RGS20: variants seen among roughly 807,000 people sequenced by gnomAD.
RGS20 encodes regulator of G protein signaling 20.
In RGS20, 30 loss-of-function variants were observed where a neutral mutation model predicts 33.6. The observed-to-expected ratio is 0.89, with a 90% CI of 0.67 to 1.21. The LOEUF is 1.21. Among genes scored for constraint, RGS20 ranks in the 50% most tolerant of loss-of-function variants. RGS20 has a pLI of 0.00. For synonymous variants in RGS20, 208 were observed against 197.9 expected, an observed-to-expected ratio of 1.05 and a Z score of -0.43; for missense variants, 472 against 502.4, an observed-to-expected ratio of 0.94 and a Z score of 0.58.
chr8:53,881,026 C>T (rs781659513), intron 2 of RGS20: 2 of 1,589,270 alleles, frequency 1.3e-6, no homozygotes, highest in Non-Finnish European at 8.5e-7. Context: ...ATGCGCACGG[C>T]GGACGGAGGC....
intron 1 of RGS20, among the ~76,000 whole-genome samples, chr8:53,859,472 A>G (rs1811759784): frequency 6.6e-6 from 1 of 152,210 alleles, no homozygotes; most frequent in African/African-American, 2.4e-5. Flanking sequence ...TATCATTACC[A>G]TTGTTCAAAA....
Position 53,939,706 on chromosome 8 carries a change from G to A in RGS20, c.641G>A (p.Cys214Tyr). Residue 214 changes from cysteine (C) to tyrosine (Y), a missense_variant, in exon 3 of 6, where the codon TGC becomes TAC. Cys to Tyr is a radical substitution (Grantham distance 194). Transcript: ENST00000297313. Reference sequence around the variant, plus strand: ...AACGCATGCTGCTTCTGCTGGTGCTGCTGTTGTAGCTGCTCGTGGTAAGGT... The same window carrying A: ...AACGCATGCTGCTTCTGCTGGTGCTACTGTTGTAGCTGCTCGTGGTAAGGT... The A allele has an allele frequency of 6.4e-7, 1 of 1,559,398 alleles. No individual in the cohort carries two copies. The highest frequency in any genetic ancestry group is 8.7e-7 in the Non-Finnish European group (1 of 1,151,122).
chr8:53,918,661 T>TA (rs571541270), intron 2 of RGS20, among the ~76,000 whole-genome samples: 180 of 152,314 alleles, frequency 1.2e-3, no homozygotes, highest in Admixed American at 3.3e-3. Context: ...GTGCTAGGAT[T>TA]ACAGGCATGA....
intron 2 of RGS20, among the ~76,000 whole-genome samples, chr8:53,909,240 TATATATATA>T (rs1813277851): frequency 7.5e-6 from 1 of 133,164 alleles, no homozygotes; most frequent in South Asian, 2.3e-4. Flanking sequence ...TATATATATA[TATATATATA>T]TATATACTTT....
rs1814335216 is a variant in RGS20 at position 53,942,676 on chromosome 8, T to C, written c.659+2952T>C. On this transcript the variant is annotated intron_variant, in intron 3 of 5. Transcript: ENST00000297313. Reference sequence around the variant, plus strand: ...CTACCATACAGCACTTAAATTCATATACTAGAAAAACAAAACTAAACAAAT... The same window carrying C: ...CTACCATACAGCACTTAAATTCATACACTAGAAAAACAAAACTAAACAAAT... Among the ~76,000 whole-genome samples the C allele has an allele frequency of 2.6e-5, 4 of 152,058 alleles. 1 individual carries two copies. Among genetic ancestry groups the C allele is most frequent in the African/African-American group, 9.6e-5 (4 of 41,502 alleles).
intron 2 of RGS20, among the ~76,000 whole-genome samples, chr8:53,918,773 C>T (rs910271519): frequency 4.6e-5 from 7 of 152,110 alleles, no homozygotes; most frequent in African/African-American, 1.7e-4. Context: ...AATATTGCCT[C>T]GTATGGACAT....
chr8:53,854,001 A>G (rs1405886233), intron 1 of RGS20, among the ~76,000 whole-genome samples: 3 of 152,186 alleles, frequency 2.0e-5, no homozygotes, highest in Non-Finnish European at 2.9e-5. Flanking sequence ...GCTAAAATGT[A>G]TCTAGACGTC....
At chr8:53,950,237 TTGA>T (rs1391607671) in intron 4 of RGS20, among the ~76,000 whole-genome samples, 6 of 152,106 alleles carry the variant, frequency 3.9e-5, no homozygotes, top group Admixed American at 3.9e-4. Context: ...TTTAAAAAAA[TTGA>T]TGATTGAAAT....
At chr8:53,924,097 A>G (rs1316437425) in intron 2 of RGS20, among the ~76,000 whole-genome samples, 1 of 152,116 alleles carries the variant, frequency 6.6e-6, no homozygotes, top group East Asian at 1.9e-4. Context: ...AGTTCACTGC[A>G]GCCTTGACCT....
At chr8:53,888,396 G>A (rs1812607605) in intron 2 of RGS20, among the ~76,000 whole-genome samples, 1 of 152,118 alleles carries the variant, frequency 6.6e-6, no homozygotes, top group African/African-American at 2.4e-5. Flanking sequence ...CACATCTTAA[G>A]AGTACAGCTT....
chr8:53,946,625 G>T (rs1814487750), intron 3 of RGS20, 40 bp from the exon 3 acceptor site: 3 of 1,489,554 alleles, frequency 2.0e-6, no homozygotes, highest in Non-Finnish European at 2.8e-6. Flanking sequence ...TTTCTTGGCA[G>T]GGACTGAGCT....
At chr8:53,917,190 C>T (rs982155894) in intron 2 of RGS20, among the ~76,000 whole-genome samples, 10 of 152,044 alleles carry the variant, frequency 6.6e-5, no homozygotes, top group African/African-American at 2.4e-4. Flanking sequence ...TCTTGTTGCC[C>T]AGGCTGGAGT....
intron 2 of RGS20, among the ~76,000 whole-genome samples, chr8:53,910,421 GAA>G (rs71254930): frequency 6.6e-6 from 1 of 150,386 alleles, no homozygotes; most frequent in Non-Finnish European, 1.5e-5. Context: ...AAATCGCCAG[GAA>G]AAAAAAAATC....
At chr8:53,918,871 AC>A (rs1813569988) in intron 2 of RGS20, among the ~76,000 whole-genome samples, 4 of 152,214 alleles carry the variant, frequency 2.6e-5, no homozygotes. Flanking sequence ...CAATAAACAA[AC>A]AGCATTTGTT....
At chr8:53,899,312 A>G (rs1396946902) in intron 2 of RGS20, among the ~76,000 whole-genome samples, 2 of 152,220 alleles carry the variant, frequency 1.3e-5, no homozygotes, top group Non-Finnish European at 2.9e-5. Flanking sequence ...GGAACGACTT[A>G]GCCAACAGCA....
At position 53,922,931 on chromosome 8, in the gene RGS20, G is replaced by A. The variant is rs796478446; in HGVS notation, c.511-16645G>A. ...CTTCCTTGACCTCCCAAAGTGCTGGGATTACAGGCATGAGAAAATGTGCCT... is the reference window on the plus strand; with the variant it reads ...CTTCCTTGACCTCCCAAAGTGCTGGAATTACAGGCATGAGAAAATGTGCCT... On this transcript the variant is annotated intron_variant, in intron 2 of 5. Transcript: ENST00000297313. Among the ~76,000 whole-genome samples, 3 of 152,238 alleles carry A rather than the reference G, an allele frequency of 2.0e-5. 1 individual carries two copies. The highest frequency in any genetic ancestry group is 7.2e-5 in the African/African-American group (3 of 41,544).
chr8:53,888,086 A>G (rs1165467711), intron 2 of RGS20, among the ~76,000 whole-genome samples: 1 of 152,196 alleles, frequency 6.6e-6, no homozygotes, highest in Non-Finnish European at 1.5e-5. Context: ...TGTTTTTACA[A>G]ATACTTATTT....
chr8:53,953,698 C>G (rs192826493), intron 4 of RGS20, among the ~76,000 whole-genome samples: 5 of 152,140 alleles, frequency 3.3e-5, no homozygotes, highest in Non-Finnish European at 5.9e-5. Flanking sequence ...TGACTTAGTT[C>G]TGTCGTAGTA....
intron 2 of RGS20, among the ~76,000 whole-genome samples, chr8:53,910,394 G>A (rs1813318255): frequency 6.7e-6 from 1 of 148,442 alleles, no homozygotes; most frequent in Non-Finnish European, 1.5e-5. Context: ...ACCATGAGCT[G>A]CCACTTACGC....
Sources: gnomAD v4.1 joint callset for allele counts (sites outside exome capture counted in the v4.1 genomes callset) on GRCh38, gnomAD v4.1.1 for gene constraint, MANE v1.5 for transcripts, NCBI Gene and HGNC (gene_info 2026-07-23, HGNC 2026-07-21) for gene names.